CAPG: variants seen among roughly 807,000 people sequenced by gnomAD.
CAPG encodes capping actin protein, gelsolin like.
CAPG carries 32 observed loss-of-function variants against 44.6 expected under a neutral mutation model. The observed-to-expected ratio is 0.72, with a 90% CI of 0.54 to 0.96. CAPG has a LOEUF of 0.96. Ranked by LOEUF, CAPG falls within the 50% of genes least tolerant of loss-of-function variation. The pLI is 0.00. For synonymous variants in CAPG, 175 were observed against 179.6 expected, an observed-to-expected ratio of 0.97 and a Z score of 0.20; for missense variants, 412 against 438.3, an observed-to-expected ratio of 0.94 and a Z score of 0.54.
intron 8 of CAPG, among the ~76,000 whole-genome samples, chr2:85,396,272 A>G (rs1686592114): frequency 6.6e-6 from 1 of 151,854 alleles, no homozygotes; most frequent in African/African-American, 2.4e-5. Flanking sequence ...TACAGCCTCA[A>G]CCTCCCAGGC....
chr2:85,416,808 C>T (rs1268355960), intron 1 of CAPG, among the ~76,000 whole-genome samples: 6 of 152,200 alleles, frequency 3.9e-5, no homozygotes, highest in Admixed American at 3.9e-4. Flanking sequence ...GCCACCTCAC[C>T]GGCCCCAAAT....
chr2:85,400,604 G>C (rs1686833953), intron 5 of CAPG, among the ~76,000 whole-genome samples: 1 of 152,050 alleles, frequency 6.6e-6, no homozygotes, highest in Non-Finnish European at 1.5e-5. Flanking sequence ...CACCTTGGTG[G>C]CTCAGCTCAC....
At chr2:85,400,902 T>C (rs1043979604) in intron 5 of CAPG, among the ~76,000 whole-genome samples, 8 of 152,124 alleles carry the variant, frequency 5.3e-5, no homozygotes, top group Admixed American at 1.3e-4. Context: ...ACTGAATTAA[T>C]GAATGGTCTG....
At chr2:85,393,041 T>C (rs1686442280), downstream of CAPG, among the ~76,000 whole-genome samples, 1 of 132,960 alleles carries the variant, frequency 7.5e-6, no homozygotes, top group African/African-American at 3.1e-5. Context: ...TGCAAAAATC[T>C]TTTTTTTTTT....
In CAPG at chr2:85,395,886, T is replaced by C. The variant is rs1686573046; in HGVS notation, c.893-260A>G. 6.4e-6 allele frequency: 3 copies of C among 465,562 alleles called. No individual in the cohort carries two copies. The highest frequency in any genetic ancestry group is 2.6e-5 in the South Asian group (1 of 38,988). 28.8% of individuals were successfully genotyped at this position (465,562 alleles called of 1,614,324 possible). ...GATCATGCAAAACTCTGCTCTGACCTGGGCCCCTGGAATATTTCAGGGAGG... is the reference window on the plus strand; with the variant it reads ...GATCATGCAAAACTCTGCTCTGACCCGGGCCCCTGGAATATTTCAGGGAGG... On this transcript the variant is annotated intron_variant, in intron 8 of 9. Transcript: ENST00000263867. The surrounding 1 kb of genome is among the most constrained non-coding windows in gnomAD (Gnocchi z 4.3).
At chr2:85,406,421 G>A (rs1687156171) in intron 1 of CAPG, among the ~76,000 whole-genome samples, 1 of 152,168 alleles carries the variant, frequency 6.6e-6, no homozygotes, top group South Asian at 2.1e-4. Flanking sequence ...TTTAGCAAAA[G>A]AACCCTGCTA....
intron 1 of CAPG, among the ~76,000 whole-genome samples, chr2:85,409,413 C>A (rs1219812210): frequency 7.9e-5 from 12 of 152,166 alleles, no homozygotes; most frequent in Admixed American, 7.9e-4. Flanking sequence ...GTCACCGTTA[C>A]ACACACCTTT....
downstream of CAPG, among the ~76,000 whole-genome samples, chr2:85,393,607 C>T (rs942913963): frequency 2.4e-4 from 37 of 152,088 alleles, no homozygotes; most frequent in Non-Finnish European, 2.2e-4. Flanking sequence ...CTCTGTCACC[C>T]AGGCTGGAGT....
chr2:85,395,519 G>T lies in CAPG; in HGVS notation c.981+19C>A. 5 of 1,605,372 alleles carry T rather than the reference G, an allele frequency of 3.1e-6. No individual in the cohort carries two copies. The South Asian group carries it at 3.3e-5, about 11-fold the overall frequency. On this transcript the variant is annotated intron_variant, in intron 9 of 9. Transcript: ENST00000263867. This position sits in a 1 kb window ranked among gnomAD's most constrained non-coding sequence, Gnocchi z 4.3. Reference sequence around the variant, plus strand: ...GAAGAGCCCTAGGAAGAGGGCTGTGGTTGTGCGCATCTCCTCACCTGAGTG... The same window carrying T: ...GAAGAGCCCTAGGAAGAGGGCTGTGTTTGTGCGCATCTCCTCACCTGAGTG...
At chr2:85,402,996 C>G (rs1686976285) in intron 1 of CAPG, among the ~76,000 whole-genome samples, 1 of 152,142 alleles carries the variant, frequency 6.6e-6, no homozygotes, top group Admixed American at 6.6e-5. Flanking sequence ...GTCTTAAACT[C>G]CTGACCTCAG....
At chr2:85,417,429 G>A (rs1217102850) in intron 1 of CAPG, among the ~76,000 whole-genome samples, 8 of 150,956 alleles carry the variant, frequency 5.3e-5, no homozygotes, top group Admixed American at 4.6e-4. Context: ...ATCACCGCAT[G>A]CTAGTGCCAG....
intron 1 of CAPG, among the ~76,000 whole-genome samples, chr2:85,416,493 A>C (rs962165137): frequency 6.6e-6 from 1 of 151,888 alleles, no homozygotes; most frequent in Non-Finnish European, 1.5e-5. Flanking sequence ...TCTAACATCA[A>C]AATTCCCCCA....
chr2:85,402,032 G>A (rs1686927521), intron 2 of CAPG, 75 bp from the exon 3 acceptor site: 2 of 1,609,848 alleles, frequency 1.2e-6, no homozygotes, highest in Non-Finnish European at 1.7e-6. Context: ...CCTGGCGACT[G>A]CAGTCTGGGG....
intron 8 of CAPG, among the ~76,000 whole-genome samples, chr2:85,396,199 T>C (rs77438344): frequency 0.051 from 7,790 of 152,232 alleles, 236 homozygotes; most frequent in Non-Finnish European, 0.067. Context: ...ATTTTTATTT[T>C]TTCTGAGACG....
intron 6 of CAPG, 40 bp from the exon 7 acceptor site, chr2:85,398,822 G>A (rs1471779964): frequency 2.1e-6 from 3 of 1,456,100 alleles, no homozygotes; most frequent in Non-Finnish European, 2.8e-6. Context: ...AGGGACCCCT[G>A]CCCTGGAACT....
chr2:85,417,826 T>C (rs1437924895), intron 1 of CAPG, among the ~76,000 whole-genome samples: 1 of 152,068 alleles, frequency 6.6e-6, no homozygotes, highest in Non-Finnish European at 1.5e-5. Context: ...GCCCAGACCT[T>C]TCCTCCAGTG....
chr2:85,403,080 T>C (rs547582583), intron 1 of CAPG, among the ~76,000 whole-genome samples: 1 of 152,248 alleles, frequency 6.6e-6, no homozygotes, highest in African/African-American at 2.4e-5. Context: ...AAGTTGTTTT[T>C]TTAAACCGAT....
intron 1 of CAPG, among the ~76,000 whole-genome samples, chr2:85,405,347 A>G (rs1294024321): frequency 1.3e-5 from 2 of 152,222 alleles, no homozygotes; most frequent in Non-Finnish European, 2.9e-5. Context: ...TGCAGAGATC[A>G]CAGAGCCAGC....
At chr2:85,405,892 C>T (rs1330930812) in intron 1 of CAPG, among the ~76,000 whole-genome samples, 1 of 152,176 alleles carries the variant, frequency 6.6e-6, no homozygotes, top group Non-Finnish European at 1.5e-5. Context: ...CATCAGGGAG[C>T]GCTCAAGAAT....
Sources: gnomAD v4.1 joint callset for allele counts (sites outside exome capture counted in the v4.1 genomes callset) on GRCh38, gnomAD v4.1.1 for gene constraint, Gnocchi (gnomAD v3.1) non-coding constraint, MANE v1.5 for transcripts, NCBI Gene and HGNC (gene_info 2026-07-23, HGNC 2026-07-21) for gene names.